PCDHA7: variants seen among roughly 807,000 people sequenced by gnomAD.
The protein encoded by PCDHA7 is protocadherin alpha 7.
PCDHA7 carries 37 observed loss-of-function variants against 57.2 expected under a neutral mutation model. The observed-to-expected ratio is 0.65, with a 90% CI of 0.50 to 0.85. The LOEUF (loss-of-function observed/expected upper bound fraction) is 0.85, where lower values mean the gene tolerates loss of function less well. Among genes scored for constraint, PCDHA7 ranks in the 40% least tolerant of loss-of-function variants. PCDHA7 has a pLI of 0.00. For synonymous variants in PCDHA7, 553 were observed against 558.8 expected (o/e 0.99, Z 0.15); for missense variants, 1,188 against 1,241.8 (o/e 0.96, Z 0.65).
chr5:140,928,697 G>A (rs1554206190), intron 1 of PCDHA7: 1 of 1,614,122 alleles, frequency 6.2e-7, no homozygotes, highest in Non-Finnish European at 8.5e-7. Context: ...CACATCTCCC[G>A]GGCGTCTGAC....
At position 140,842,145 on chromosome 5, in the gene PCDHA7, G is replaced by A. The variant is rs2150330392; in HGVS notation, c.2355+5407G>A. On this transcript the variant is annotated intron_variant, in intron 1 of 3. Coordinates refer to ENST00000525929, the MANE Select transcript of PCDHA7 (RefSeq NM_018910.3). ...TCTGATCCGGATGAAGGAGCCAATGGGGCAATTTCATATTCTTTTAATAGC... is the reference window on the plus strand; with the variant it reads ...TCTGATCCGGATGAAGGAGCCAATGAGGCAATTTCATATTCTTTTAATAGC... The A allele has an allele frequency of 3.8e-5, 62 of 1,613,828 alleles. 1 individual carries two copies. The East Asian group carries it at 1.3e-3, about 35-fold the overall frequency.
intron 1 of PCDHA7, among the ~76,000 whole-genome samples, chr5:140,973,877 A>G (rs782563295): frequency 6.6e-6 from 1 of 152,234 alleles, no homozygotes; most frequent in Non-Finnish European, 1.5e-5. Context: ...AGGTCAGAAT[A>G]ATGTCAATTT....
At chr5:140,923,217 ATCGTTTGAG>A (rs2081234922) in intron 1 of PCDHA7, among the ~76,000 whole-genome samples, 1 of 135,418 alleles carries the variant, frequency 7.4e-6, no homozygotes, top group Admixed American at 7.5e-5. Flanking sequence ...AGGTGAAAGG[ATCGTTTGAG>A]CCCAGAAGTT....
chr5:140,944,871 C>T (rs1370417254), intron 1 of PCDHA7, among the ~76,000 whole-genome samples: 1 of 152,110 alleles, frequency 6.6e-6, no homozygotes, highest in Non-Finnish European at 1.5e-5. Flanking sequence ...ATCTTAACCA[C>T]CTACTCCACT....
At chr5:140,902,208 T>TC (rs1462936622) in intron 1 of PCDHA7, among the ~76,000 whole-genome samples, 2 of 149,762 alleles carry the variant, frequency 1.3e-5, no homozygotes, top group East Asian at 3.9e-4. Flanking sequence ...TCTTTCTTTT[T>TC]TTTTTTTTTT....
intron 3 of PCDHA7, among the ~76,000 whole-genome samples, chr5:140,987,599 C>T (rs1475170913): frequency 1.3e-5 from 2 of 152,086 alleles, no homozygotes; most frequent in Non-Finnish European, 2.9e-5. Context: ...GTGGTGTCTA[C>T]CTTATAGGGT....
intron 1 of PCDHA7, among the ~76,000 whole-genome samples, chr5:140,955,950 C>G (rs2095241045): frequency 6.6e-6 from 1 of 151,920 alleles, no homozygotes; most frequent in African/African-American, 2.4e-5. Flanking sequence ...TGTCTACTTG[C>G]TTGTTGTTTG....
At chr5:140,900,559 G>T (rs542075943) in intron 1 of PCDHA7, among the ~76,000 whole-genome samples, 1 of 152,196 alleles carries the variant, frequency 6.6e-6, no homozygotes, top group Admixed American at 6.5e-5. Context: ...TTACAGGCGT[G>T]AGCCACGGCA....
At chr5:140,885,050 C>T (rs1183142093) in intron 1 of PCDHA7, among the ~76,000 whole-genome samples, 3 of 152,164 alleles carry the variant, frequency 2.0e-5, no homozygotes, top group African/African-American at 7.2e-5. Context: ...TTAATGTATA[C>T]ATATACCCAC....
intron 1 of PCDHA7, among the ~76,000 whole-genome samples, chr5:140,898,335 A>C (rs1232674937): frequency 2.6e-5 from 4 of 152,208 alleles, no homozygotes; most frequent in African/African-American, 9.6e-5. Context: ...CTAACGTTTA[A>C]GTCTTTAATC....
chr5:140,870,551 C>G (rs1554164401), intron 1 of PCDHA7: 11 of 1,614,022 alleles, frequency 6.8e-6, no homozygotes, highest in African/African-American at 1.3e-5. Flanking sequence ...GACGCGGACG[C>G]GCAGGAGAAC....
intron 1 of PCDHA7, chr5:140,967,204 G>T: frequency 3.7e-6 from 6 of 1,613,634 alleles, no homozygotes; most frequent in Non-Finnish European, 5.1e-6. Context: ...ACAACTCACC[G>T]CGTTTCCCGC....
rs782205253 is a variant in PCDHA7, at chr5:140,927,557, T to C, written c.2356-51392T>C. 12 of 1,614,028 alleles carry C rather than the reference T, an allele frequency of 7.4e-6. No homozygotes were observed. In the East Asian group the frequency reaches 2.7e-4, roughly 36 times the overall value. On this transcript the variant is annotated intron_variant, in intron 1 of 3. Coordinates refer to ENST00000525929, the MANE Select transcript of PCDHA7 (RefSeq NM_018910.3). ...TCAGGAGACGCACAAGTCACCATCATTGTGGTGGACACAAATGACAACGCG... is the reference window on the plus strand; with the variant it reads ...TCAGGAGACGCACAAGTCACCATCACTGTGGTGGACACAAATGACAACGCG...
At chr5:140,839,916 A>G (rs2150301736) in intron 1 of PCDHA7, among the ~76,000 whole-genome samples, 33 of 151,970 alleles carry the variant, frequency 2.2e-4, no homozygotes, top group African/African-American at 7.5e-4. Context: ...TAGAAGAAAA[A>G]CCTTGAACAA....
At chr5:140,906,502 C>G (rs182726471) in intron 1 of PCDHA7, among the ~76,000 whole-genome samples, 2 of 152,298 alleles carry the variant, frequency 1.3e-5, no homozygotes, top group African/African-American at 4.8e-5. Context: ...ATGTTTTTAA[C>G]AAAGAAGGAG....
chr5:140,930,912 T>C (rs1205979304), intron 1 of PCDHA7, among the ~76,000 whole-genome samples: 3 of 152,196 alleles, frequency 2.0e-5, no homozygotes, highest in Non-Finnish European at 4.4e-5. Flanking sequence ...TTTTCTACTT[T>C]AGATGTGTAT....
At chr5:140,970,663 CAAAT>C (rs1216768545) in intron 1 of PCDHA7, among the ~76,000 whole-genome samples, 1 of 152,136 alleles carries the variant, frequency 6.6e-6, no homozygotes, top group Non-Finnish European at 1.5e-5. Flanking sequence ...GTTATCTTTC[CAAAT>C]AACTACTTTG....
At chr5:140,875,600 C>A (rs2055640130) in intron 1 of PCDHA7, 5 of 1,613,766 alleles carry the variant, frequency 3.1e-6, no homozygotes, top group African/African-American at 1.3e-5. Flanking sequence ...AAACACGGCA[C>A]CTTCGTGGGC....
chr5:140,911,405 C>T (rs565928237), intron 1 of PCDHA7, among the ~76,000 whole-genome samples: 45 of 152,276 alleles, frequency 3.0e-4, no homozygotes, highest in South Asian at 1.5e-3. Flanking sequence ...AGGTCAGCCA[C>T]TGGTATGATA....
Sources: gnomAD v4.1 joint callset for allele counts (sites outside exome capture counted in the v4.1 genomes callset) on GRCh38, gnomAD v4.1.1 for gene constraint, MANE v1.5 for transcripts, NCBI Gene and HGNC (gene_info 2026-07-23, HGNC 2026-07-21) for gene names.